The following TCF4 variants were observed in gnomAD, a reference collection of about 807,000 sequenced individuals.
TCF4 encodes the protein SL3-3 enhancer factor 2.
TCF4 carries 3 observed loss-of-function variants against 82.1 expected under a neutral mutation model. The ratio of observed to expected loss-of-function variants is 0.04; its 90% CI spans 0.02 to 0.09. The LOEUF (loss-of-function observed/expected upper bound fraction) is 0.09, where lower values mean the gene tolerates loss of function less well. Ranked by LOEUF, TCF4 falls within the 10% of genes least tolerant of loss-of-function variation. TCF4 has a pLI of 1.00. For missense variants in TCF4, 518 were observed against 852.7 expected (o/e 0.61, Z 4.89); for synonymous variants, 276 against 309.6 (o/e 0.89, Z 1.14).
At chr18:55,409,665 G>A (rs2094258141) in intron 5 of TCF4, among the ~76,000 whole-genome samples, 1 of 152,000 alleles carries the variant, frequency 6.6e-6, no homozygotes, top group Non-Finnish European at 1.5e-5. Context: ...TATATTTGTA[G>A]TTTTCTATCA....
At chr18:55,299,775 C>G (rs1430001987) in intron 8 of TCF4, among the ~76,000 whole-genome samples, 1 of 152,064 alleles carries the variant, frequency 6.6e-6, no homozygotes, top group African/African-American at 2.4e-5. Flanking sequence ...TCACCATTCC[C>G]CAATAGTAGA....
chr18:55,586,786 T>G (rs2097653630), intron 2 of TCF4: 1 of 459,412 alleles, frequency 2.2e-6, no homozygotes, highest in Non-Finnish European at 4.0e-6. Flanking sequence ...TGGGGTGAGA[T>G]TCCATTATTT....
chr18:55,558,921 G>A (rs2097330007), intron 3 of TCF4, among the ~76,000 whole-genome samples: 1 of 151,694 alleles, frequency 6.6e-6, no homozygotes, highest in African/African-American at 2.4e-5. Flanking sequence ...GGAAGAGAGA[G>A]GGCTAAAGAA....
intron 2 of TCF4, among the ~76,000 whole-genome samples, chr18:55,614,925 T>C (rs1603625457): frequency 6.6e-6 from 1 of 152,310 alleles, no homozygotes; most frequent in South Asian, 2.1e-4. Context: ...TTTATATATG[T>C]TCCAAAGTAT....
intron 8 of TCF4, among the ~76,000 whole-genome samples, chr18:55,325,260 C>A (rs1047231522): frequency 2.0e-5 from 3 of 152,146 alleles, no homozygotes; most frequent in Non-Finnish European, 4.4e-5. Flanking sequence ...GGTTCACAGA[C>A]ATGTCAATTT....
intron 5 of TCF4, among the ~76,000 whole-genome samples, chr18:55,419,370 G>A (rs919575775): frequency 4.0e-5 from 6 of 151,812 alleles, no homozygotes; most frequent in Admixed American, 2.6e-4. Context: ...AAAGAATGAC[G>A]TTAGAGGTAT....
At chr18:55,377,086 A>G (rs1368653371) in intron 6 of TCF4, among the ~76,000 whole-genome samples, 2 of 152,226 alleles carry the variant, frequency 1.3e-5, no homozygotes, top group African/African-American at 4.8e-5. Context: ...TTCTTCCCAG[A>G]GCCCATCTTC....
chr18:55,575,605 G>T (rs780624762), intron 3 of TCF4, among the ~76,000 whole-genome samples: 4 of 151,858 alleles, frequency 2.6e-5, no homozygotes, highest in Non-Finnish European at 1.5e-5. Flanking sequence ...ACCAAGCACA[G>T]TCATTCATTA....
At chr18:55,414,241 TA>T (rs2094450664) in intron 5 of TCF4, among the ~76,000 whole-genome samples, 1 of 151,678 alleles carries the variant, frequency 6.6e-6, no homozygotes, top group Non-Finnish European at 1.5e-5. Flanking sequence ...GACTATTAAG[TA>T]AAAATTTATA....
chr18:55,554,952 TC>T (rs1336569423), intron 3 of TCF4, among the ~76,000 whole-genome samples: 1 of 152,232 alleles, frequency 6.6e-6, no homozygotes, highest in Non-Finnish European at 1.5e-5. Flanking sequence ...GCAGGCTTTT[TC>T]CTTCCCTTTC....
intron 6 of TCF4, among the ~76,000 whole-genome samples, chr18:55,371,668 G>A (rs750466677): frequency 1.7e-4 from 26 of 151,810 alleles, no homozygotes; most frequent in Middle Eastern, 3.4e-3. Context: ...CAACACTTCC[G>A]CTGGGAAACA....
At chr18:55,327,492 A>C (rs891433031) in intron 8 of TCF4, among the ~76,000 whole-genome samples, 2 of 151,884 alleles carry the variant, frequency 1.3e-5, no homozygotes, top group African/African-American at 4.9e-5. Flanking sequence ...GTGAAATCTA[A>C]TTTTATTTGT....
At chr18:55,322,463 G>A in intron 8 of TCF4, 1 of 996,792 alleles carries the variant, frequency 1.0e-6, no homozygotes, top group Non-Finnish European at 1.2e-6. Context: ...CCACGTCTCT[G>A]ACCTCGCTCA....
intron 6 of TCF4, among the ~76,000 whole-genome samples, chr18:55,357,340 A>C (rs2083811319): frequency 6.6e-6 from 1 of 152,216 alleles, no homozygotes; most frequent in Non-Finnish European, 1.5e-5. Context: ...TATGTAAACA[A>C]TACAGAATTT....
At chr18:55,506,824 A>G (rs2096765814) in intron 3 of TCF4, among the ~76,000 whole-genome samples, 1 of 152,038 alleles carries the variant, frequency 6.6e-6, no homozygotes, top group South Asian at 2.1e-4. Context: ...TAGAACAATT[A>G]TAATATACTG....
At chr18:55,573,861 G>C (rs1302744460) in intron 3 of TCF4, among the ~76,000 whole-genome samples, 1 of 152,120 alleles carries the variant, frequency 6.6e-6, no homozygotes, top group Non-Finnish European at 1.5e-5. Flanking sequence ...ATTTTATATA[G>C]AGCTGCCAAA....
chr18:55,506,719 T>C (rs1198875842), intron 3 of TCF4, among the ~76,000 whole-genome samples: 1 of 152,170 alleles, frequency 6.6e-6, no homozygotes, highest in Non-Finnish European at 1.5e-5. Flanking sequence ...AAATTCTATA[T>C]ACGCTATGAT....
At chr18:55,293,277 C>G (rs995929143) in intron 8 of TCF4, among the ~76,000 whole-genome samples, 2 of 152,108 alleles carry the variant, frequency 1.3e-5, no homozygotes, top group African/African-American at 4.8e-5. Flanking sequence ...ATTTCTTAAG[C>G]AGTAAGCCTT....
At chr18:55,495,841 G>C (rs1170344254) in intron 3 of TCF4, 1 of 152,088 alleles carries the variant, frequency 6.6e-6, no homozygotes, top group African/African-American at 2.4e-5. Context: ...ATTATGAAAA[G>C]GAATTTATGT....
Sources: allele counts gnomAD v4.1 joint callset (sites outside exome capture counted in the v4.1 genomes callset), GRCh38; gene constraint gnomAD v4.1.1; transcripts MANE v1.5; gene names NCBI Gene and HGNC (gene_info 2026-07-23, HGNC 2026-07-21).